LDLRAD4: variants seen among roughly 807,000 people sequenced by gnomAD.
The protein encoded by LDLRAD4 is low density lipoprotein receptor class A domain containing 4.
In LDLRAD4, 5 loss-of-function variants were observed where a neutral mutation model predicts 17.0. The ratio of observed to expected loss-of-function variants is 0.29; its 90% confidence interval spans 0.15 to 0.62. The LOEUF (loss-of-function observed/expected upper bound fraction) is 0.62. Ranked by LOEUF, LDLRAD4 falls within the 20% of genes least tolerant of loss-of-function variation. The pLI is 0.84. For synonymous variants in LDLRAD4, 168 were observed against 171.8 expected (o/e 0.98, Z 0.17); for missense variants, 340 against 424.7 (o/e 0.80, Z 1.75).
chr18:13,589,407 T>C lies in LDLRAD4; in HGVS notation c.182-31710T>C, dbSNP rs1229073745. Among the ~76,000 whole-genome samples the C allele has an allele frequency of 5.3e-5, 8 of 152,326 alleles. No individual in the cohort carries two copies. In the East Asian group the frequency reaches 1.5e-3, roughly 29 times the overall value. On this transcript the variant is annotated intron_variant, in intron 3 of 5. Transcript: ENST00000359446. ...TACCTAGGAAGGCTTCAGCTGTTCA[T>C]TTTCGTTTGCAAATCCTCCGTGGAG...
At chr18:13,617,982 T>G (rs1429664968) in intron 3 of LDLRAD4, among the ~76,000 whole-genome samples, 2 of 152,222 alleles carry the variant, frequency 1.3e-5, no homozygotes, top group African/African-American at 4.8e-5. Context: ...TTTAGGAGTC[T>G]TTCCTACAAG....
rs145646432 is a variant in LDLRAD4, at chr18:13,349,119, C to T, written c.-382-38222C>T. Among the ~76,000 whole-genome samples the T allele has an allele frequency of 1.8e-3, 272 of 152,344 alleles. 1 individual carries two copies. The highest frequency in any genetic ancestry group is 6.1e-3 in the African/African-American group (255 of 41,580). On this transcript the variant is annotated intron_variant, in intron 1 of 5. Transcript: ENST00000359446. ...CCGACAATCCCCAGTGAGATGAACC[C>T]GGTACCACAGTTTGAAATGCAGAAA...
chr18:13,356,858 G>A (rs2083374695), intron 1 of LDLRAD4, among the ~76,000 whole-genome samples: 1 of 152,176 alleles, frequency 6.6e-6, no homozygotes, highest in African/African-American at 2.4e-5. Context: ...TTTAGGTCAG[G>A]CGCATTGGCT....
At chr18:13,568,629 C>G (rs1212091240) in intron 3 of LDLRAD4, among the ~76,000 whole-genome samples, 1 of 152,206 alleles carries the variant, frequency 6.6e-6, no homozygotes, top group African/African-American at 2.4e-5. Context: ...GCAGGAGGAA[C>G]TGGACAAGGT....
intron 2 of LDLRAD4, among the ~76,000 whole-genome samples, chr18:13,429,613 G>C (rs2090190858): frequency 6.6e-6 from 1 of 152,222 alleles, no homozygotes; most frequent in South Asian, 2.1e-4. Context: ...AAAATTTATA[G>C]AATCACTGAT....
chr18:13,429,719 T>G (rs2090196942), intron 2 of LDLRAD4, among the ~76,000 whole-genome samples: 1 of 139,968 alleles, frequency 7.1e-6, no homozygotes, highest in Non-Finnish European at 1.6e-5. Context: ...CCTTGTTCAG[T>G]GAACCCTCCA....
At chr18:13,590,229 A>G (rs994047345) in intron 3 of LDLRAD4, among the ~76,000 whole-genome samples, 7 of 148,316 alleles carry the variant, frequency 4.7e-5, no homozygotes, top group Non-Finnish European at 7.4e-5. Context: ...GTGTGTGGGT[A>G]TAAGTGTGTG....
rs1460922975 is a variant in LDLRAD4 at position 13,345,140 on chromosome 18, G to C, written c.-382-42201G>C. Among the ~76,000 whole-genome samples the C allele has an allele frequency of 1.1e-4, 16 of 152,270 alleles. No individual in the cohort carries two copies. The East Asian group carries it at 2.9e-3, about 28-fold the overall frequency. ...TATGTTGAATAGGAGTGGTGAGAGAGGGTATCCCTCTCTTGTGCCAGTTTT... is the reference window on the plus strand; with the variant it reads ...TATGTTGAATAGGAGTGGTGAGAGACGGTATCCCTCTCTTGTGCCAGTTTT... On this transcript the variant is annotated intron_variant, in intron 1 of 5. Transcript: ENST00000359446.
chr18:13,621,388 G>A lies in LDLRAD4; in HGVS notation c.336+117G>A, dbSNP rs2040616591. 8.1e-6 allele frequency: 6 copies of A among 741,152 alleles called. No homozygotes were observed. The highest frequency in any genetic ancestry group is 1.7e-5 in the African/African-American group (1 of 57,722). 45.9% of individuals were successfully genotyped at this position (741,152 alleles called of 1,614,324 possible). On this transcript the variant is annotated intron_variant, in intron 4 of 5. Coordinates refer to ENST00000359446, the Ensembl canonical transcript of LDLRAD4. This position sits in a 1 kb window ranked among gnomAD's most constrained non-coding sequence, Gnocchi z 5.5. ...TGACATGTAACAAACGGGGCGAAGCGCACCTCGTAAGTGTTCCACTTAGTG... is the reference window on the plus strand; with the variant it reads ...TGACATGTAACAAACGGGGCGAAGCACACCTCGTAAGTGTTCCACTTAGTG...
chr18:13,427,745 TA>T (rs913786341), intron 2 of LDLRAD4, among the ~76,000 whole-genome samples: 26 of 152,222 alleles, frequency 1.7e-4, no homozygotes, highest in African/African-American at 6.3e-4. Context: ...CACAGGTAAC[TA>T]AAAAAACCAT....
At chr18:13,559,957 GC>G (rs2094523945) in intron 3 of LDLRAD4, among the ~76,000 whole-genome samples, 2 of 152,156 alleles carry the variant, frequency 1.3e-5, no homozygotes, top group Admixed American at 6.6e-5. Context: ...GTCTGCCGTT[GC>G]ATAATCAACA....
intron 2 of LDLRAD4, among the ~76,000 whole-genome samples, chr18:13,400,849 G>A (rs952480597): frequency 3.3e-5 from 5 of 152,194 alleles, no homozygotes; most frequent in Non-Finnish European, 5.9e-5. Flanking sequence ...TGTTCCTGGA[G>A]CACTTGCTGT....
At chr18:13,235,424 T>G (rs1013249406) in intron 1 of LDLRAD4, among the ~76,000 whole-genome samples, 9 of 152,236 alleles carry the variant, frequency 5.9e-5, no homozygotes, top group African/African-American at 1.9e-4. Context: ...GTGAATCTTT[T>G]TTCCATCTTT....
At chr18:13,294,689 G>A (rs1463046328) in intron 1 of LDLRAD4, among the ~76,000 whole-genome samples, 1 of 152,132 alleles carries the variant, frequency 6.6e-6, no homozygotes, top group Non-Finnish European at 1.5e-5. Flanking sequence ...TGAGGAGGAT[G>A]TTGTGGAGCC....
intron 3 of LDLRAD4, among the ~76,000 whole-genome samples, chr18:13,458,934 A>G (rs901369628): frequency 2.6e-5 from 4 of 152,224 alleles, no homozygotes; most frequent in Non-Finnish European, 4.4e-5. Context: ...GAGCTCTGGG[A>G]AGGAACACAG....
intron 3 of LDLRAD4, among the ~76,000 whole-genome samples, chr18:13,439,915 T>A (rs1038897269): frequency 6.6e-6 from 1 of 152,260 alleles, no homozygotes; most frequent in South Asian, 2.1e-4. Context: ...AATGGGGACA[T>A]AAGAATGGTT....
chr18:13,412,715 C>G (rs1196788255), intron 2 of LDLRAD4, among the ~76,000 whole-genome samples: 2 of 152,134 alleles, frequency 1.3e-5, no homozygotes, highest in East Asian at 3.8e-4. Flanking sequence ...ATTATGAGCT[C>G]TTGGAGGGCA....
chr18:13,626,490 A>C (rs1353399325), intron 4 of LDLRAD4, among the ~76,000 whole-genome samples: 3 of 152,214 alleles, frequency 2.0e-5, no homozygotes, highest in Non-Finnish European at 4.4e-5. Context: ...TCTGGCCATC[A>C]GCGGATGGAG....
chr18:13,642,107 T>A (rs2042623725), intron 4 of LDLRAD4: 2 of 985,412 alleles, frequency 2.0e-6, no homozygotes, highest in Non-Finnish European at 2.4e-6. Context: ...CCACCCTTCG[T>A]CTCCGAGCAG....
Sources: allele counts gnomAD v4.1 joint callset (sites outside exome capture counted in the v4.1 genomes callset), GRCh38; gene constraint gnomAD v4.1.1; non-coding constraint Gnocchi (gnomAD v3.1); transcripts MANE v1.5; gene names NCBI Gene and HGNC (gene_info 2026-07-23, HGNC 2026-07-21).